The following OXCT1 variants were observed in gnomAD, a reference collection of about 807,000 sequenced individuals.
OXCT1 encodes 3-oxoacid CoA-transferase 1, also known as succinyl-CoA:3-ketoacid coenzyme A transferase 1, mitochondrial.
Under a neutral mutation model 69.6 loss-of-function variants are expected in OXCT1, and 27 were observed. The ratio of observed to expected loss-of-function variants is 0.39; its 90% CI spans 0.29 to 0.54. OXCT1 has a LOEUF of 0.54. OXCT1 is among the 20% of genes least tolerant of loss of function. The probability of loss-of-function intolerance (pLI) is 0.72; values close to 1 mark genes in which losing one functional copy is unlikely to be tolerated. For synonymous variants in OXCT1, 202 were observed against 217.8 expected (o/e 0.93, Z 0.64); for missense variants, 437 against 650.2 (o/e 0.67, Z 3.57).
chr5:41,760,100 G>A (rs974539568), intron 14 of OXCT1, among the ~76,000 whole-genome samples: 5 of 152,060 alleles, frequency 3.3e-5, no homozygotes, highest in African/African-American at 1.2e-4. Context: ...AGCAAAAGAT[G>A]CAAAAAAGAA....
chr5:41,832,045 G>A (rs1266519857), intron 7 of OXCT1, among the ~76,000 whole-genome samples: 2 of 152,166 alleles, frequency 1.3e-5, no homozygotes, highest in Non-Finnish European at 2.9e-5. Flanking sequence ...TTTTAACAAC[G>A]ATCTGTAAAC....
intron 5 of OXCT1, among the ~76,000 whole-genome samples, chr5:41,844,507 C>T (rs1368864366): frequency 1.3e-5 from 2 of 151,990 alleles, no homozygotes; most frequent in Non-Finnish European, 2.9e-5. Flanking sequence ...GCTGCTCCTT[C>T]TCTTCCCAAT....
rs1310599150 is a variant in OXCT1 at position 41,730,448 on chromosome 5, A to G, written c.*1281T>C. The stretch of plus-strand genomic sequence containing the variant: ...GAAGTGAGTTTCAATGACCATCATC[A>G]CCTAAAAACATGAATAAGTTTGTAT... On this transcript the variant is annotated 3_prime_UTR_variant, in exon 17 of 17. Coordinates refer to ENST00000196371, the MANE Select transcript of OXCT1 (RefSeq NM_000436.4). 5 of 152,210 alleles carry G rather than the reference A, an allele frequency of 3.3e-5. No homozygotes were observed. Among genetic ancestry groups the G allele is most frequent in the Non-Finnish European group, 7.3e-5 (5 of 68,040 alleles). 9.4% of individuals were successfully genotyped at this position (152,210 alleles called of 1,614,324 possible). A position where few individuals can be genotyped will look rare whatever the true frequency, so the allele number is the denominator to read the frequency against.
At chr5:41,787,178 G>C (rs1234338530) in intron 13 of OXCT1, among the ~76,000 whole-genome samples, 1 of 152,130 alleles carries the variant, frequency 6.6e-6, no homozygotes, top group African/African-American at 2.4e-5. Context: ...TACTGACAAA[G>C]ATATTCTATT....
At chr5:41,769,926 A>AT (rs945317971) in intron 13 of OXCT1, among the ~76,000 whole-genome samples, 30 of 151,896 alleles carry the variant, frequency 2.0e-4, no homozygotes, top group African/African-American at 2.2e-4. Flanking sequence ...TGCCCCACTA[A>AT]TTTTTTTATT....
intron 13 of OXCT1, among the ~76,000 whole-genome samples, chr5:41,765,651 C>T (rs1744563699): frequency 6.6e-6 from 1 of 152,118 alleles, no homozygotes; most frequent in East Asian, 1.9e-4. Flanking sequence ...TACTACTGCT[C>T]CCTGAGTGAG....
At chr5:41,848,895 C>T (rs1341255488) in intron 5 of OXCT1, among the ~76,000 whole-genome samples, 5 of 152,156 alleles carry the variant, frequency 3.3e-5, no homozygotes, top group Non-Finnish European at 1.5e-5. Flanking sequence ...ATGTATAAAA[C>T]ACCAAAAGCA....
intron 13 of OXCT1, among the ~76,000 whole-genome samples, chr5:41,783,393 C>T (rs762066366): frequency 6.6e-6 from 1 of 152,106 alleles, no homozygotes; most frequent in Non-Finnish European, 1.5e-5. Context: ...ATCATTAGCC[C>T]TTTGGTTTCA....
intron 13 of OXCT1, among the ~76,000 whole-genome samples, chr5:41,777,902 TAAA>T (rs1362968819): frequency 6.6e-6 from 1 of 152,176 alleles, no homozygotes; most frequent in Non-Finnish European, 1.5e-5. Context: ...GTTATGGCAG[TAAA>T]AAAGAAAAAT....
chr5:41,753,270 TACACACACACAC>T (rs36095905), intron 14 of OXCT1, among the ~76,000 whole-genome samples: 1 of 148,680 alleles, frequency 6.7e-6, no homozygotes, highest in Admixed American at 6.7e-5. Flanking sequence ...GTGGCTGCAA[TACACACACACAC>T]ACACACATAG....
rs746345071 is a variant in OXCT1 at position 41,794,049 on chromosome 5, G to A, written c.1202C>T (p.Ala401Val). 3.7e-6 allele frequency: 6 copies of A among 1,612,810 alleles called. No individual in the cohort carries two copies. The highest frequency in any genetic ancestry group is 5.1e-6 in the Non-Finnish European group (6 of 1,179,002). ...GTCACCATATTTGGAAACCTGCATCGCTCCTAGCATTGTCAGATCGACGTG... is the reference window on the plus strand; with the variant it reads ...GTCACCATATTTGGAAACCTGCATCACTCCTAGCATTGTCAGATCGACGTG... Reference protein sequence around the residue: ...GGHVDLTMLGAMQVSKYGDLA... With the variant: ...GGHVDLTMLGVMQVSKYGDLA... The change falls in exon 13 of 17, where the codon GCG becomes GTG. Residue 401 changes from alanine to valine, a missense_variant. Ala to Val is a moderately conservative substitution (Grantham distance 64, BLOSUM62 0). This residue lies in a region of OXCT1 where 102 missense variants were observed against 162.1 expected (regional missense o/e 0.63). Coordinates refer to ENST00000196371, the MANE Select transcript of OXCT1 (RefSeq NM_000436.4).
intron 7 of OXCT1, among the ~76,000 whole-genome samples, chr5:41,824,342 T>A (rs1158161783): frequency 6.6e-6 from 1 of 152,224 alleles, no homozygotes; most frequent in Non-Finnish European, 1.5e-5. Flanking sequence ...CTCCTTCAAC[T>A]TATATTACCA....
chr5:41,839,681 G>T (rs574821849), intron 7 of OXCT1, among the ~76,000 whole-genome samples: 1 of 152,076 alleles, frequency 6.6e-6, no homozygotes, highest in Non-Finnish European at 1.5e-5. Context: ...TGAATCAAAA[G>T]ATACCACATA....
intron 15 of OXCT1, among the ~76,000 whole-genome samples, chr5:41,742,520 C>T (rs891530772): frequency 1.4e-4 from 21 of 152,262 alleles, no homozygotes; most frequent in African/African-American, 4.8e-4. Context: ...TTAGGGTACA[C>T]GTGCACAACG....
At chr5:41,760,345 T>C (rs1395898226) in intron 14 of OXCT1, among the ~76,000 whole-genome samples, 1 of 152,126 alleles carries the variant, frequency 6.6e-6, no homozygotes, top group African/African-American at 2.4e-5. Flanking sequence ...AAATACCTCA[T>C]TCCAATTCTG....
At chr5:41,791,854 A>C (rs1579745383) in intron 13 of OXCT1, among the ~76,000 whole-genome samples, 1 of 151,788 alleles carries the variant, frequency 6.6e-6, no homozygotes, top group Non-Finnish European at 1.5e-5. Context: ...CACAGGCTGG[A>C]GTGCAGTGGC....
chr5:41,780,346 T>C (rs1745335022), intron 13 of OXCT1, among the ~76,000 whole-genome samples: 1 of 152,178 alleles, frequency 6.6e-6, no homozygotes, highest in Non-Finnish European at 1.5e-5. Flanking sequence ...GAACTGTGAT[T>C]AAACAGATGG....
At chr5:41,854,874 A>G (rs1381100579) in intron 3 of OXCT1, among the ~76,000 whole-genome samples, 1 of 152,216 alleles carries the variant, frequency 6.6e-6, no homozygotes, top group Non-Finnish European at 1.5e-5. Flanking sequence ...AACTGTTAGT[A>G]CCTACTAATG....
Position 41,797,270 on chromosome 5 carries a change from T to C in OXCT1, c.1100-2521A>G, listed in dbSNP as rs188555514. 2.2e-3 allele frequency among the ~76,000 whole-genome samples: 329 copies of C among 152,304 alleles called. 1 individual carries two copies. Among genetic ancestry groups the C allele is most frequent in the African/African-American group, 7.6e-3 (315 of 41,582 alleles). ...AGAGCTTTGGATCTCCCTATATTAT[T>C]TGTGAAGCATAGTTTTATTAAAGAG... On this transcript the variant is annotated intron_variant, in intron 11 of 16. Transcript: ENST00000196371.
Sources: gnomAD v4.1 joint callset for allele counts (sites outside exome capture counted in the v4.1 genomes callset) on GRCh38, gnomAD v4.1.1 for gene constraint, gnomAD v4.1.1 regional missense constraint, MANE v1.5 for transcripts, NCBI Gene and HGNC (gene_info 2026-07-23, HGNC 2026-07-21) for gene names.